PCDHGB2: variants seen among roughly 807,000 people sequenced by gnomAD.
PCDHGB2 encodes the protein protocadherin gamma-B2.
In PCDHGB2, 55 loss-of-function variants were observed where a neutral mutation model predicts 59.3. The observed-to-expected ratio is 0.93, with a 90% CI of 0.75 to 1.16. PCDHGB2 has a LOEUF of 1.16. Among genes scored for constraint, PCDHGB2 ranks in the 50% most tolerant of loss-of-function variants. PCDHGB2 has a pLI of 0.00. For synonymous variants in PCDHGB2, 516 were observed against 512.0 expected, an observed-to-expected ratio of 1.01 and a Z score of -0.11; for missense variants, 1,228 against 1,198.5, an observed-to-expected ratio of 1.02 and a Z score of -0.36.
chr5:141,389,779 A>T (rs779598795), intron 1 of PCDHGB2: 1 of 1,613,298 alleles, frequency 6.2e-7, no homozygotes, highest in South Asian at 1.1e-5. Flanking sequence ...GCCTTAGGCG[A>T]CAGGGACGCC....
Position 141,413,600 on chromosome 5 carries a change from T to A in PCDHGB2, c.2421+51044T>A, listed in dbSNP as rs767830855. ...GCTCCAAAATTCCAAGCAGAAAATC[T>A]AGACGTAAAAATTAATGAAAATGTC... On this transcript the variant is annotated intron_variant, in intron 1 of 3. Transcript: ENST00000522605. 2.4e-5 allele frequency: 39 copies of A among 1,613,750 alleles called. No homozygotes were observed. Among genetic ancestry groups the A allele is most frequent in the Non-Finnish European group, 3.3e-5 (39 of 1,179,908 alleles).
At chr5:141,417,943 G>A (rs772925118) in intron 1 of PCDHGB2, 2 of 1,613,194 alleles carry the variant, frequency 1.2e-6, no homozygotes, top group Admixed American at 1.7e-5. Flanking sequence ...TCTACCCCAC[G>A]CTGTGTGAGC....
At chr5:141,376,679 T>G (rs1008866087) in intron 1 of PCDHGB2, 29 of 528,326 alleles carry the variant, frequency 5.5e-5, no homozygotes, top group East Asian at 4.1e-5. Flanking sequence ...GGGTATCGTT[T>G]TTTTTTTTTT....
chr5:141,485,067 C>G lies in PCDHGB2; in HGVS notation c.2422-9740C>G, dbSNP rs944494894. On this transcript the variant is annotated intron_variant, in intron 1 of 3. Transcript: ENST00000522605. This position sits in a 1 kb window ranked among gnomAD's most constrained non-coding sequence, Gnocchi z 5.7. Reference sequence around the variant, plus strand: ...CGGCGCCGGCCGAACCGCGCCAGAGCTGGCGCGGGGAAAGGGAGATAGGTG... The same window carrying G: ...CGGCGCCGGCCGAACCGCGCCAGAGGTGGCGCGGGGAAAGGGAGATAGGTG... 21 of 894,418 alleles carry G rather than the reference C, an allele frequency of 2.3e-5. No individual in the cohort carries two copies. The highest frequency in any genetic ancestry group is 1.8e-4 in the Admixed American group (8 of 43,320). 55.4% of individuals were successfully genotyped at this position (894,418 alleles called of 1,614,324 possible). A position where few individuals can be genotyped will look rare whatever the true frequency, so the allele number is the denominator to read the frequency against.
intron 1 of PCDHGB2, among the ~76,000 whole-genome samples, chr5:141,492,409 C>G (rs1367119266): frequency 6.6e-6 from 1 of 152,230 alleles, no homozygotes; most frequent in Non-Finnish European, 1.5e-5. Flanking sequence ...TCCCCTCTGC[C>G]GCTCCCTCCG....
intron 1 of PCDHGB2, chr5:141,418,292 T>A: frequency 6.2e-7 from 1 of 1,613,988 alleles, no homozygotes. Context: ...AATCAGTGAA[T>A]CCGTCAGCCT....
At position 141,431,276 on chromosome 5, in the gene PCDHGB2, A is replaced by T; in HGVS notation, c.2422-63531A>T. 6.2e-7 allele frequency: 1 copy of T among 1,614,176 alleles called. No individual in the cohort carries two copies. Among genetic ancestry groups the T allele is most frequent in the South Asian group, 1.1e-5 (1 of 91,084 alleles). ...GAACTCTCTGCAGAGCTACGAGCTC[A>T]GCCCGAACACTCACTTCTCCCTCAT... is the stretch of plus-strand genomic sequence containing the variant. On this transcript the variant is annotated intron_variant, in intron 1 of 3. Transcript: ENST00000522605. The surrounding 1 kb of genome is among the most constrained non-coding windows in gnomAD (Gnocchi z 4.8).
In PCDHGB2 at chr5:141,419,061, A is replaced by G. The variant is rs747692559; in HGVS notation, c.2421+56505A>G. 5.0e-6 allele frequency: 8 copies of G among 1,613,964 alleles called. No homozygotes were observed. In the Admixed American group the frequency reaches 1.3e-4, roughly 27 times the overall value. ...AAGATTCATTCTTCTTCTAATAATT[A>G]CTACAAGCTAGTAACAGATGAGGCC... On this transcript the variant is annotated intron_variant, in intron 1 of 3. Transcript: ENST00000522605.
chr5:141,487,596 A>T lies in PCDHGB2; in HGVS notation c.2422-7211A>T. The stretch of plus-strand genomic sequence containing the variant: ...GTTCGCCCAAGCTGCCCACCCTCTG[A>T]TCTTCTCTATGGGCTAGAGGTGAGA... On this transcript the variant is annotated intron_variant, in intron 1 of 3. Transcript: ENST00000522605. The surrounding 1 kb of genome is among the most constrained non-coding windows in gnomAD (Gnocchi z 5.0). The T allele has an allele frequency of 1.2e-6, 2 of 1,614,108 alleles. No individual in the cohort carries two copies. Among genetic ancestry groups the T allele is most frequent in the Non-Finnish European group, 8.5e-7 (1 of 1,180,024 alleles).
intron 1 of PCDHGB2, chr5:141,390,108 A>G (rs1450933158): frequency 6.2e-7 from 1 of 1,614,030 alleles, no homozygotes; most frequent in Non-Finnish European, 8.5e-7. Context: ...CCCCAACTAC[A>G]GCGAGGGGAC....
chr5:141,409,159 G>C, intron 1 of PCDHGB2: 1 of 1,614,014 alleles, frequency 6.2e-7, no homozygotes, highest in East Asian at 2.2e-5. Flanking sequence ...CCATGGAAGT[G>C]GAAGCGAAGG....
intron 1 of PCDHGB2, among the ~76,000 whole-genome samples, chr5:141,453,080 A>T (rs1323212808): frequency 6.6e-6 from 1 of 151,960 alleles, no homozygotes; most frequent in Non-Finnish European, 1.5e-5. Context: ...ACTCTGGTTG[A>T]TTAGTATATT....
At chr5:141,372,942 T>C in intron 1 of PCDHGB2, 1 of 786,954 alleles carries the variant, frequency 1.3e-6, no homozygotes. Context: ...GAGTAGGGTG[T>C]CTAGGAAATT....
At position 141,398,516 on chromosome 5, in the gene PCDHGB2, C is replaced by G. The variant is rs779535322; in HGVS notation, c.2421+35960C>G. On this transcript the variant is annotated intron_variant, in intron 1 of 3. Coordinates refer to ENST00000522605, the MANE Select transcript of PCDHGB2 (RefSeq NM_018923.3). ...GAGATCGAGGACATTAATGACCACA[C>G]GCCAAAATTCACGCAAAATTCCTTT... is the stretch of plus-strand genomic sequence containing the variant. The G allele has an allele frequency of 4.4e-5, 70 of 1,598,584 alleles. No individual in the cohort carries two copies. The highest frequency in any genetic ancestry group is 4.3e-4 in the Admixed American group (25 of 58,660).
In PCDHGB2 at chr5:141,413,895, T is replaced by C. The variant is rs749075692; in HGVS notation, c.2421+51339T>C. On this transcript the variant is annotated intron_variant, in intron 1 of 3. Transcript: ENST00000522605. ...TCAGTGTGACTGTCTTCGATGCAAATGACAACGCGCCGGTCTTCACCTTGC... is the reference window on the plus strand; with the variant it reads ...TCAGTGTGACTGTCTTCGATGCAAACGACAACGCGCCGGTCTTCACCTTGC... 7 of 1,613,190 alleles carry C rather than the reference T, an allele frequency of 4.3e-6. No individual in the cohort carries two copies. The South Asian group carries it at 6.6e-5, about 15-fold the overall frequency.
chr5:141,421,817 T>A (rs375019903), intron 1 of PCDHGB2: 34 of 1,613,662 alleles, frequency 2.1e-5, no homozygotes, highest in Non-Finnish European at 2.8e-5. Context: ...GAGCTAGTAC[T>A]GGAGGGAAGC....
In PCDHGB2 at chr5:141,423,390, T is replaced by C. The variant is rs751337994; in HGVS notation, c.2421+60834T>C. ...TGGCACTCAGGCTGTGGCGCTGGCATAAGTCACGCCTGCTGCAGGCTTCTG... is the reference window on the plus strand; with the variant it reads ...TGGCACTCAGGCTGTGGCGCTGGCACAAGTCACGCCTGCTGCAGGCTTCTG... On this transcript the variant is annotated intron_variant, in intron 1 of 3. Coordinates refer to ENST00000522605, the MANE Select transcript of PCDHGB2 (RefSeq NM_018923.3). 2.5e-6 allele frequency: 4 copies of C among 1,614,144 alleles called. No homozygotes were observed. In the South Asian group the frequency reaches 3.3e-5, roughly 13 times the overall value.
At chr5:141,417,872 T>G (rs2096175848) in intron 1 of PCDHGB2, 5 of 1,555,026 alleles carry the variant, frequency 3.2e-6, no homozygotes, top group African/African-American at 1.4e-5. Flanking sequence ...GGGAGGGAGC[T>G]GCGCGCAGAG....
intron 1 of PCDHGB2, among the ~76,000 whole-genome samples, chr5:141,433,573 C>T (rs1400327372): frequency 1.3e-5 from 2 of 152,046 alleles, no homozygotes; most frequent in Admixed American, 1.3e-4. Flanking sequence ...CGGTGGCTCA[C>T]GCCTGTAATC....
Sources: gnomAD v4.1 joint callset for allele counts (sites outside exome capture counted in the v4.1 genomes callset) on GRCh38, gnomAD v4.1.1 for gene constraint, Gnocchi (gnomAD v3.1) non-coding constraint, MANE v1.5 for transcripts, NCBI Gene and HGNC (gene_info 2026-07-23, HGNC 2026-07-21) for gene names.